Variants in EEF1AKMT2 observed in about 807,000 individuals in gnomAD.
EEF1AKMT2 encodes eukaryotic translation elongation factor 1 alpha lysine methyltransferase 2.
A neutral mutation model predicts 35.8 loss-of-function variants in EEF1AKMT2; 32 were observed. That is an observed-to-expected ratio of 0.89 (90% CI 0.67 to 1.20). EEF1AKMT2 has a LOEUF of 1.20. Among genes scored for constraint, EEF1AKMT2 ranks in the 50% most tolerant of loss-of-function variants. The pLI is 0.00. For missense variants in EEF1AKMT2, 330 were observed against 347.5 expected (o/e 0.95, Z 0.40); for synonymous variants, 121 against 133.7 (o/e 0.91, Z 0.65).
At chr10:124,780,660 G>C (rs1158289900) in intron 3 of EEF1AKMT2, among the ~76,000 whole-genome samples, 3 of 151,634 alleles carry the variant, frequency 2.0e-5, no homozygotes, top group African/African-American at 7.3e-5. Context: ...CAAAATGAAA[G>C]GAGAAAGACA....
At chr10:124,790,238 T>A (rs765195194) in intron 2 of EEF1AKMT2, 35 bp downstream of exon 2, 1 of 1,488,296 alleles carries the variant, frequency 6.7e-7, no homozygotes, top group Admixed American at 1.7e-5. Context: ...ACATATAATC[T>A]TCTAGATTAT....
chr10:124,788,392 C>T (rs1056765385), intron 3 of EEF1AKMT2, among the ~76,000 whole-genome samples: 6 of 152,094 alleles, frequency 3.9e-5, no homozygotes, highest in African/African-American at 1.4e-4. Flanking sequence ...ACAATTCAAG[C>T]ACAAAGTCTA....
chr10:124,777,293 A>AG (rs1164599117), intron 3 of EEF1AKMT2, among the ~76,000 whole-genome samples: 24 of 151,558 alleles, frequency 1.6e-4, no homozygotes, highest in South Asian at 6.2e-4. Context: ...AAAAAAAAAA[A>AG]AAAGAAAAAA....
At chr10:124,756,351 G>A (rs1950287369), downstream of EEF1AKMT2, among the ~76,000 whole-genome samples, 1 of 152,150 alleles carries the variant, frequency 6.6e-6, no homozygotes, top group Non-Finnish European at 1.5e-5. Context: ...CTCTTTTACA[G>A]TGGTATCAGC....
chr10:124,779,163 T>C (rs1439416441), intron 3 of EEF1AKMT2, among the ~76,000 whole-genome samples: 2 of 152,032 alleles, frequency 1.3e-5, no homozygotes, highest in African/African-American at 4.8e-5. Context: ...CAGGGTTTCC[T>C]TCTGTCACCC....
At chr10:124,764,785 C>G (rs1481349253) in intron 5 of EEF1AKMT2, among the ~76,000 whole-genome samples, 2 of 152,124 alleles carry the variant, frequency 1.3e-5, no homozygotes, top group South Asian at 4.1e-4. Context: ...TATGGATTTG[C>G]CAGTAAATCA....
At chr10:124,771,138 C>T (rs1366737166) in intron 4 of EEF1AKMT2, among the ~76,000 whole-genome samples, 9 of 150,666 alleles carry the variant, frequency 6.0e-5, no homozygotes, top group Admixed American at 3.3e-4. Context: ...CTTGCTCTGT[C>T]GCCCAGGCTG....
rs1564897717 is a variant in EEF1AKMT2, at chr10:124,757,980, G to A, written c.*2523C>T. ...TGAAAACTTTGTATTTGTTAATTGG[G>A]ATAACCCACCCATTCAGGCCTCAAT... On this transcript the variant is annotated 3_prime_UTR_variant, in exon 7 of 7. Transcript: ENST00000368836. The A allele has an allele frequency of 6.6e-6, 1 of 152,078 alleles. No homozygotes were observed. The highest frequency in any genetic ancestry group is 1.5e-5 in the Non-Finnish European group (1 of 68,020). 9.4% of individuals were successfully genotyped at this position (152,078 alleles called of 1,614,324 possible). A position where few individuals can be genotyped will look rare whatever the true frequency, so the allele number is the denominator to read the frequency against.
intron 1 of EEF1AKMT2, among the ~76,000 whole-genome samples, chr10:124,791,382 C>T (rs1470818852): frequency 6.6e-6 from 1 of 152,040 alleles, no homozygotes; most frequent in Non-Finnish European, 1.5e-5. Context: ...CTCTCACTCT[C>T]GCCGACCAGC....
At chr10:124,777,730 G>GC (rs1950500273) in intron 3 of EEF1AKMT2, among the ~76,000 whole-genome samples, 2 of 151,470 alleles carry the variant, frequency 1.3e-5, no homozygotes, top group African/African-American at 4.9e-5. Context: ...ACAGGGTTTC[G>GC]CCAGGCTGCC....
At chr10:124,763,491 C>G (rs953427261) in intron 5 of EEF1AKMT2, among the ~76,000 whole-genome samples, 4 of 152,160 alleles carry the variant, frequency 2.6e-5, no homozygotes, top group Non-Finnish European at 4.4e-5. Context: ...TATTCTGTTA[C>G]TGTCCCATAT....
chr10:124,790,344 TA>T lies in EEF1AKMT2; in HGVS notation c.111-7del. The T allele has an allele frequency of 6.2e-7, 1 of 1,602,738 alleles. No individual in the cohort carries two copies. The highest frequency in any genetic ancestry group is 8.5e-7 in the Non-Finnish European group (1 of 1,169,708). ...TCTCATAGACAGCATCCCAACTATG[TA>T]AACAATGAAATGCAAAGCAAGACTC... On this transcript the variant is annotated splice_region_variant and splice_polypyrimidine_tract_variant and intron_variant, in intron 1 of 6. Coordinates refer to ENST00000368836, the MANE Select transcript of EEF1AKMT2 (RefSeq NM_212554.4).
Position 124,758,238 on chromosome 10 carries a change from T to C in EEF1AKMT2, c.*2265A>G, listed in dbSNP as rs897209912. On this transcript the variant is annotated 3_prime_UTR_variant, in exon 7 of 7. Transcript: ENST00000368836. ...CTTACTGCTTTTTATAAGTGCATAA[T>C]TTCTGTCACAGTTACCCACATATTT... is the stretch of plus-strand genomic sequence containing the variant. 3 of 152,236 alleles carry C rather than the reference T, an allele frequency of 2.0e-5. No individual in the cohort carries two copies. The highest frequency in any genetic ancestry group is 7.2e-5 in the African/African-American group (3 of 41,470). The allele number at this position is 152,236 out of a possible 1,614,324, so 9.4% of individuals were successfully genotyped here. A position where few individuals can be genotyped will look rare whatever the true frequency, so the allele number is the denominator to read the frequency against.
At chr10:124,774,267 T>C (rs1037140365) in intron 4 of EEF1AKMT2, among the ~76,000 whole-genome samples, 1 of 147,786 alleles carries the variant, frequency 6.8e-6, no homozygotes, top group East Asian at 2.0e-4. Flanking sequence ...CTTCAGAGGC[T>C]GAGAGAGGAG....
intron 4 of EEF1AKMT2, among the ~76,000 whole-genome samples, chr10:124,769,934 G>A (rs1300410043): frequency 5.8e-5 from 5 of 85,912 alleles, no homozygotes; most frequent in African/African-American, 1.4e-4. Context: ...CAACAAGAGC[G>A]AAACTCCATC....
chr10:124,775,538 A>T (rs1175968674), intron 3 of EEF1AKMT2, among the ~76,000 whole-genome samples: 1 of 148,968 alleles, frequency 6.7e-6, no homozygotes, highest in Non-Finnish European at 1.5e-5. Flanking sequence ...GAAACATGAA[A>T]AACAAAGTAA....
At chr10:124,786,814 AAAAAAGAAAG>A (rs1950588584) in intron 3 of EEF1AKMT2, among the ~76,000 whole-genome samples, 1 of 152,148 alleles carries the variant, frequency 6.6e-6, no homozygotes, top group Non-Finnish European at 1.5e-5. Context: ...CATCTCAAAA[AAAAAAGAAAG>A]AAAAAGAAAA....
At chr10:124,789,211 T>C in intron 2 of EEF1AKMT2, 54 bp from the exon 3 acceptor site, 3 of 1,175,240 alleles carry the variant, frequency 2.6e-6, no homozygotes, top group South Asian at 2.5e-5. Context: ...AAGTCACCAC[T>C]ATATTCCATT....
intron 3 of EEF1AKMT2, among the ~76,000 whole-genome samples, chr10:124,786,804 C>T (rs1950588456): frequency 3.3e-5 from 5 of 150,786 alleles, no homozygotes; most frequent in Admixed American, 3.3e-4. Context: ...AGTGAAACTC[C>T]ATCTCAAAAA....
Sources: allele counts gnomAD v4.1 joint callset (sites outside exome capture counted in the v4.1 genomes callset), GRCh38; gene constraint gnomAD v4.1.1; transcripts MANE v1.5; gene names NCBI Gene and HGNC (gene_info 2026-07-23, HGNC 2026-07-21).